NALCN: variants seen among roughly 807,000 people sequenced by gnomAD.
NALCN encodes sodium leak channel, non-selective.
A neutral mutation model predicts 225.3 loss-of-function variants in NALCN; 111 were observed. The observed-to-expected ratio is 0.49, with a 90% CI of 0.42 to 0.58. NALCN has a LOEUF of 0.58. Ranked by LOEUF, NALCN falls within the 20% of genes least tolerant of loss-of-function variation. NALCN has a pLI of 0.00. For missense variants in NALCN, 1,378 were observed against 2,202.4 expected (o/e 0.63, Z 7.49); for synonymous variants, 764 against 769.0 (o/e 0.99, Z 0.11).
At chr13:101,255,486 C>T (rs148992878) in intron 11 of NALCN, among the ~76,000 whole-genome samples, 10 of 152,324 alleles carry the variant, frequency 6.6e-5, no homozygotes, top group African/African-American at 2.4e-4. Flanking sequence ...TTACTGTAAT[C>T]TCTAATGTCA....
chr13:101,272,481 A>G (rs1366385068), intron 10 of NALCN, among the ~76,000 whole-genome samples: 1 of 152,242 alleles, frequency 6.6e-6, no homozygotes, highest in Non-Finnish European at 1.5e-5. Flanking sequence ...GAGAAGAAAG[A>G]GAAACAAAAA....
At chr13:101,345,771 T>TATATATATATATATATATATATATATATA (rs56015893) in intron 6 of NALCN, among the ~76,000 whole-genome samples, 14 of 116,994 alleles carry the variant, frequency 1.2e-4, no homozygotes, top group South Asian at 2.7e-4. Context: ...TATATATATA[T>TATATATATATATATATATATATATATATA]TTAGAGAGGG....
chr13:101,352,442 A>G (rs7334085), intron 6 of NALCN, among the ~76,000 whole-genome samples: 6,096 of 152,202 alleles, frequency 0.04, 385 homozygotes, highest in African/African-American at 0.14. Flanking sequence ...CTGCATTTGC[A>G]TATGAGAGAG....
chr13:101,123,354 G>C (rs1566302750), intron 18 of NALCN, among the ~76,000 whole-genome samples: 2 of 152,182 alleles, frequency 1.3e-5, no homozygotes, highest in African/African-American at 4.8e-5. Context: ...TTAGTGAGTG[G>C]ATCAGCCTTG....
chr13:101,352,926 A>T (rs1251649105), intron 6 of NALCN, among the ~76,000 whole-genome samples: 2 of 152,218 alleles, frequency 1.3e-5, no homozygotes, highest in African/African-American at 4.8e-5. Flanking sequence ...CCAAGCTACA[A>T]TACATTTCTG....
At position 101,083,208 on chromosome 13, in the gene NALCN, A is replaced by C; in HGVS notation, c.3584-10T>G. Reference sequence around the variant, plus strand: ...CTAAAACCATCATTATCTAGAAAAGAAAGGTTTGGGCAAGGGCATTTTAGA... The same window carrying C: ...CTAAAACCATCATTATCTAGAAAAGCAAGGTTTGGGCAAGGGCATTTTAGA... On this transcript the variant is annotated splice_polypyrimidine_tract_variant and intron_variant, in intron 31 of 43. Coordinates refer to ENST00000251127, the MANE Select transcript of NALCN (RefSeq NM_052867.4). 5.6e-6 allele frequency: 9 copies of C among 1,611,916 alleles called. No individual in the cohort carries two copies. Among genetic ancestry groups the C allele is most frequent in the Non-Finnish European group, 7.6e-6 (9 of 1,178,242 alleles).
chr13:101,297,259 G>C (rs2043791205), intron 7 of NALCN, among the ~76,000 whole-genome samples: 1 of 152,136 alleles, frequency 6.6e-6, no homozygotes, highest in Non-Finnish European at 1.5e-5. Flanking sequence ...AATACCTATA[G>C]TACTATTCTA....
intron 10 of NALCN, among the ~76,000 whole-genome samples, chr13:101,282,547 T>C (rs1566527593): frequency 6.6e-6 from 1 of 152,190 alleles, no homozygotes; most frequent in Non-Finnish European, 1.5e-5. Flanking sequence ...AGTCAAAAGA[T>C]GGCCAAGTTC....
intron 1 of NALCN, among the ~76,000 whole-genome samples, chr13:101,404,250 C>G (rs1421054747): frequency 1.3e-5 from 2 of 152,236 alleles, no homozygotes; most frequent in Admixed American, 1.3e-4. Flanking sequence ...CAGTGGATTC[C>G]CAACACGTTT....
intron 15 of NALCN, among the ~76,000 whole-genome samples, chr13:101,148,363 C>T (rs1170775278): frequency 6.6e-6 from 1 of 152,180 alleles, no homozygotes; most frequent in Non-Finnish European, 1.5e-5. Flanking sequence ...CACCACATGG[C>T]CTTCTGGGCC....
At chr13:101,144,947 A>G (rs780889820) in intron 15 of NALCN, 51 bp from the exon 16 acceptor site, 7 of 1,534,430 alleles carry the variant, frequency 4.6e-6, no homozygotes, top group South Asian at 1.3e-5. Flanking sequence ...TAATACTATT[A>G]TATACGTTAC....
At chr13:101,087,626 G>T (rs556984445) in intron 30 of NALCN, among the ~76,000 whole-genome samples, 1 of 152,130 alleles carries the variant, frequency 6.6e-6, no homozygotes, top group East Asian at 1.9e-4. Context: ...GTGCCCATTT[G>T]AGCTGATAGA....
At chr13:101,393,127 C>T (rs76662650) in intron 3 of NALCN, among the ~76,000 whole-genome samples, 3,239 of 152,234 alleles carry the variant, frequency 0.021, 119 homozygotes, top group African/African-American at 0.074. Context: ...ATATCACAAA[C>T]GGCTGATACT....
intron 13 of NALCN, among the ~76,000 whole-genome samples, chr13:101,212,195 C>G (rs186709252): frequency 6.6e-6 from 1 of 152,082 alleles, no homozygotes; most frequent in Non-Finnish European, 1.5e-5. Flanking sequence ...TGACCCAAAT[C>G]TCTACCTGTT....
intron 7 of NALCN, among the ~76,000 whole-genome samples, chr13:101,316,355 G>C (rs910075663): frequency 2.0e-4 from 31 of 152,126 alleles, no homozygotes; most frequent in African/African-American, 7.2e-4. Context: ...TAAGTACCCA[G>C]ACATTTTATG....
At chr13:101,332,004 G>C (rs1157881670) in intron 7 of NALCN, among the ~76,000 whole-genome samples, 2 of 152,074 alleles carry the variant, frequency 1.3e-5, no homozygotes, top group Non-Finnish European at 2.9e-5. Context: ...CTTGGTTGTG[G>C]TCATTGGACT....
rs187932126 is a variant in NALCN, at chr13:101,312,945, C to T, written c.800-20579G>A. The stretch of plus-strand genomic sequence containing the variant: ...GACTTCAAACTATACTACAAGGCTA[C>T]AGTAACCAAAACAGCATGGTACTGG... On this transcript the variant is annotated intron_variant, in intron 7 of 43. Transcript: ENST00000251127. Among the ~76,000 whole-genome samples, 967 of 152,268 alleles carry T rather than the reference C, an allele frequency of 6.4e-3. 15 individuals are homozygous for T. The highest frequency in any genetic ancestry group is 0.022 in the African/African-American group (929 of 41,556).
intron 13 of NALCN, among the ~76,000 whole-genome samples, chr13:101,194,518 A>G (rs1201804421): frequency 6.6e-6 from 1 of 152,214 alleles, no homozygotes; most frequent in African/African-American, 2.4e-5. Flanking sequence ...TGCTTGAGAT[A>G]GTGACTCAAG....
intron 17 of NALCN, among the ~76,000 whole-genome samples, chr13:101,136,831 G>A (rs903293401): frequency 6.6e-6 from 1 of 152,160 alleles, no homozygotes; most frequent in Non-Finnish European, 1.5e-5. Context: ...GTAATGGGAT[G>A]GCTGGGTCAA....
Sources: gnomAD v4.1 joint callset for allele counts (sites outside exome capture counted in the v4.1 genomes callset) on GRCh38, gnomAD v4.1.1 for gene constraint, MANE v1.5 for transcripts, NCBI Gene and HGNC (gene_info 2026-07-23, HGNC 2026-07-21) for gene names.